Variants in WNT7B observed in about 807,000 individuals in gnomAD.
WNT7B encodes the protein protein Wnt-7b.
A neutral mutation model predicts 38.2 loss-of-function variants in WNT7B; 19 were observed. The observed-to-expected ratio is 0.50, with a 90% CI of 0.35 to 0.73. The LOEUF is 0.73. Among genes scored for constraint, WNT7B ranks in the 30% least tolerant of loss-of-function variants. The pLI is 0.01. For synonymous variants in WNT7B, 243 were observed against 209.3 expected (o/e 1.16, Z -1.39); for missense variants, 423 against 507.9 (o/e 0.83, Z 1.61).
intron 2 of WNT7B, among the ~76,000 whole-genome samples, chr22:45,934,079 A>G (rs1489505604): frequency 6.6e-6 from 1 of 152,180 alleles, no homozygotes; most frequent in Non-Finnish European, 1.5e-5. Context: ...CTCCCATTTC[A>G]CCTGGACGTT....
In WNT7B at chr22:45,923,297, G is replaced by A. The variant is rs75306409; in HGVS notation, c.609C>T (p.His203=). The stretch of plus-strand genomic sequence containing the variant: ...TGGTGGTGCAGGAGCCAGACACGCC[G>A]TGGCACTTGCACTCCAGCTGCATCC... The part of the protein sequence containing the change: ...EDRMQLECKC[H]GVSGSCTTKT... Residue 203 remains histidine, a synonymous_variant, in exon 4 of 4, where the codon CAC becomes CAT. Transcript: ENST00000339464. 1.4e-4 allele frequency: 226 copies of A among 1,612,068 alleles called. No individual in the cohort carries two copies. Among genetic ancestry groups the A allele is most frequent in the South Asian group, 2.7e-4 (25 of 90,962 alleles).
rs755618891 is a variant in WNT7B, at chr22:45,923,019, C to T, written c.887G>A (p.Arg296His). The T allele has an allele frequency of 1.4e-5, 22 of 1,612,764 alleles. No homozygotes were observed. The highest frequency in any genetic ancestry group is 2.7e-5 in the African/African-American group (2 of 74,938). ...SVGTQGRLCN[R>H]TSPGADGCDT... Reference sequence around the variant, plus strand: ...ACAGCCGTCCGCGCCGGGCGACGTGCGGTTGCAGAGACGGCCCTGCGTGCC... The same window carrying T: ...ACAGCCGTCCGCGCCGGGCGACGTGTGGTTGCAGAGACGGCCCTGCGTGCC... Residue 296 changes from arginine (R) to histidine (H), a missense_variant, in exon 4 of 4, where the codon CGC becomes CAC. By Grantham distance (29) the Arg-to-His change is conservative. This residue lies in a region of WNT7B where 158 missense variants were observed against 214.7 expected (regional missense o/e 0.74). Transcript: ENST00000339464.
chr22:45,927,707 G>C, intron 3 of WNT7B: 1 of 680,148 alleles, frequency 1.5e-6, no homozygotes. Context: ...ACCAGCCTGG[G>C]CAACATGGTG....
At chr22:45,927,753 G>A (rs1931136361) in intron 3 of WNT7B, among the ~76,000 whole-genome samples, 2 of 152,200 alleles carry the variant, frequency 1.3e-5, no homozygotes, top group African/African-American at 2.4e-5. Context: ...GAAATTAGCT[G>A]GGCACAGTGG....
At chr22:45,926,798 C>T (rs1490923391) in intron 3 of WNT7B, 7 of 985,272 alleles carry the variant, frequency 7.1e-6, no homozygotes, top group Non-Finnish European at 7.2e-6. Context: ...AATGTGGCCT[C>T]GAGTGAAGTT....
chr22:45,929,931 C>T (rs367730173), intron 3 of WNT7B, among the ~76,000 whole-genome samples: 26,163 of 97,110 alleles, frequency 0.27, 2,365 homozygotes, highest in African/African-American at 0.36. Context: ...CTCCCATCCA[C>T]CCACTCATCC....
intron 1 of WNT7B, among the ~76,000 whole-genome samples, chr22:45,962,911 G>A (rs985390224): frequency 6.6e-6 from 1 of 152,248 alleles, no homozygotes; most frequent in Non-Finnish European, 1.5e-5. Context: ...AGGCCCCATT[G>A]GCCCATAGCC....
At chr22:45,943,904 AC>A (rs1047059077) in intron 2 of WNT7B, among the ~76,000 whole-genome samples, 15 of 151,634 alleles carry the variant, frequency 9.9e-5, no homozygotes, top group African/African-American at 3.6e-4. Flanking sequence ...GGCCCTACCC[AC>A]CCCGGGGTCT....
At chr22:45,943,399 C>T (rs945709391) in intron 2 of WNT7B, among the ~76,000 whole-genome samples, 3 of 152,262 alleles carry the variant, frequency 2.0e-5, no homozygotes, top group African/African-American at 7.2e-5. Context: ...ACACGCCAAG[C>T]GGCAGGCCCC....
chr22:45,940,626 G>A (rs567269138), intron 2 of WNT7B, among the ~76,000 whole-genome samples: 101 of 152,336 alleles, frequency 6.6e-4, no homozygotes, highest in Non-Finnish European at 4.1e-4. Context: ...CGAGCACACA[G>A]CAGGGCAGAA....
chr22:45,938,643 A>C (rs1931570197), intron 2 of WNT7B, among the ~76,000 whole-genome samples: 1 of 152,160 alleles, frequency 6.6e-6, no homozygotes, highest in South Asian at 2.1e-4. Context: ...GTCTTGAAAA[A>C]AAAAAGAGAG....
intron 2 of WNT7B, among the ~76,000 whole-genome samples, chr22:45,939,218 GGC>G (rs1477471399): frequency 6.6e-6 from 1 of 152,186 alleles, no homozygotes; most frequent in East Asian, 1.9e-4. Context: ...CAGCCACTGT[GGC>G]AAAGTTGGGC....
intron 2 of WNT7B, among the ~76,000 whole-genome samples, chr22:45,933,001 TTGTGCTAGGGGCTG>T (rs1383345346): frequency 6.6e-6 from 1 of 152,172 alleles, no homozygotes; most frequent in Non-Finnish European, 1.5e-5. Flanking sequence ...ATGCCCAGCT[TTGTGCTAGGGGCTG>T]TGTGCATGCT....
At position 45,936,157 on chromosome 22, in the gene WNT7B, C is replaced by T. The variant is rs1931509426; in HGVS notation, c.299-4788G>A. 6.1e-6 allele frequency: 6 copies of T among 985,350 alleles called. No individual in the cohort carries two copies. The African/African-American group carries it at 1.0e-4, about 17-fold the overall frequency. The allele number at this position is 985,350 out of a possible 1,614,324, so 61.0% of individuals were successfully genotyped here. A position where few individuals can be genotyped will look rare whatever the true frequency, so the allele number is the denominator to read the frequency against. On this transcript the variant is annotated intron_variant, in intron 2 of 3. Transcript: ENST00000339464. ...AAGGTTCCAGCCCTGCGGCAGGATT[C>T]ACTGTTTCCAGTGCAGGCTATCTCT...
intron 3 of WNT7B, among the ~76,000 whole-genome samples, chr22:45,929,943 T>TACCCAC (rs1931278051): frequency 3.2e-5 from 3 of 94,372 alleles, no homozygotes; most frequent in East Asian, 6.6e-4. Flanking sequence ...CACTCATCCT[T>TACCCAC]CCATCCATCC....
At chr22:45,927,413 A>G in intron 3 of WNT7B, 1 of 1,537,512 alleles carries the variant, frequency 6.5e-7, no homozygotes, top group African/African-American at 1.4e-5. Context: ...CATCAGGGAC[A>G]CCAGCCTGGG....
At chr22:45,927,098 T>A (rs1931108717) in intron 3 of WNT7B, 1 of 985,278 alleles carries the variant, frequency 1.0e-6, no homozygotes, top group South Asian at 4.7e-5. Flanking sequence ...AGATGGACAA[T>A]CTCTTGCCTT....
In WNT7B at chr22:45,948,099, G is replaced by A. The variant is rs564449006; in HGVS notation, c.298+1821C>T. 2.2e-4 allele frequency among the ~76,000 whole-genome samples: 34 copies of A among 152,338 alleles called. No homozygotes were observed. In the South Asian group the frequency reaches 4.8e-3, roughly 21 times the overall value. ...CGCAGCGAGGCAGCAAGGATTAGCA[G>A]GAACAGCGAGGGACACCTGATCGAC... is the stretch of plus-strand genomic sequence containing the variant. On this transcript the variant is annotated intron_variant, in intron 2 of 3. Transcript: ENST00000339464.
intron 2 of WNT7B, among the ~76,000 whole-genome samples, chr22:45,933,751 T>A (rs1418293140): frequency 6.6e-6 from 1 of 151,980 alleles, no homozygotes; most frequent in Non-Finnish European, 1.5e-5. Flanking sequence ...TCGCTTGCTG[T>A]GTGTGTGTGG....
Sources: gnomAD v4.1 joint callset for allele counts (sites outside exome capture counted in the v4.1 genomes callset) on GRCh38, gnomAD v4.1.1 for gene constraint, gnomAD v4.1.1 regional missense constraint, MANE v1.5 for transcripts, NCBI Gene and HGNC (gene_info 2026-07-23, HGNC 2026-07-21) for gene names.